Variants in ADAM12 observed in about 807,000 individuals in gnomAD.
ADAM12 encodes disintegrin and metalloproteinase domain-containing protein 12.
Under a neutral mutation model 106.4 loss-of-function variants are expected in ADAM12, and 70 were observed. The observed-to-expected ratio is 0.66, with a 90% CI of 0.54 to 0.80. The LOEUF is 0.80. ADAM12 is among the 30% of genes least tolerant of loss of function. The pLI, the probability that ADAM12 is intolerant of heterozygous loss-of-function variation, is 0.00. For missense variants in ADAM12, 1,010 were observed against 1,171.9 expected, an observed-to-expected ratio of 0.86 and a Z score of 2.02; for synonymous variants, 420 against 433.5, an observed-to-expected ratio of 0.97 and a Z score of 0.39.
intron 4 of ADAM12, among the ~76,000 whole-genome samples, chr10:126,137,614 T>C (rs1478566194): frequency 6.6e-6 from 1 of 152,228 alleles, no homozygotes; most frequent in East Asian, 1.9e-4. Context: ...CGTTCTGTTA[T>C]TTTATAGAAA....
At chr10:126,348,215 C>A (rs1200124326) in intron 1 of ADAM12, among the ~76,000 whole-genome samples, 2 of 152,188 alleles carry the variant, frequency 1.3e-5, no homozygotes, top group Non-Finnish European at 2.9e-5. Flanking sequence ...TTAAGTTAGA[C>A]TGCATCCTGC....
intron 3 of ADAM12, among the ~76,000 whole-genome samples, chr10:126,257,177 T>A (rs1958909287): frequency 6.6e-6 from 1 of 152,128 alleles, no homozygotes; most frequent in Non-Finnish European, 1.5e-5. Flanking sequence ...TAACCCTACA[T>A]GTGCTCTGCA....
intron 3 of ADAM12, among the ~76,000 whole-genome samples, chr10:126,162,432 C>T (rs11244855): frequency 0.17 from 26,084 of 152,036 alleles, 2,666 homozygotes; most frequent in Non-Finnish European, 0.24. Flanking sequence ...GTGGTCAGGG[C>T]GCAGGGCCTG....
rs1554978247 is a variant in ADAM12, at chr10:126,158,541, G to GGAGGATGCACAGAGCATGGAGA, written c.261-3237_261-3236insTCTCCATGCTCTGTGCATCCTC. Among the ~76,000 whole-genome samples, 99 of 90,204 alleles carry GGAGGATGCACAGAGCATGGAGA rather than the reference G, an allele frequency of 1.1e-3. 10 individuals are homozygous for GGAGGATGCACAGAGCATGGAGA. Among genetic ancestry groups the GGAGGATGCACAGAGCATGGAGA allele is most frequent in the African/African-American group, 4.3e-3 (98 of 23,036 alleles). 59.2% of individuals were successfully genotyped at this position (90,204 alleles called of 152,430 possible). A position where few individuals can be genotyped will look rare whatever the true frequency, so the allele number is the denominator to read the frequency against. ...CACGGGGAGGATGCACAGAGCACGG[G>GGAGGATGCACAGAGCATGGAGA]GAGGATGCACAGAGCATGGGGCAGG... is the stretch of plus-strand genomic sequence containing the variant. On this transcript the variant is annotated intron_variant, in intron 3 of 22. Transcript: ENST00000448723.
intron 3 of ADAM12, among the ~76,000 whole-genome samples, chr10:126,190,814 G>A (rs906057638): frequency 3.9e-5 from 6 of 152,026 alleles, no homozygotes; most frequent in Admixed American, 1.3e-4. Flanking sequence ...CCCACACAGG[G>A]CAGAGGCAGG....
In ADAM12 at chr10:126,247,154, C is replaced by G. The variant is rs1958646323; in HGVS notation, c.260+31761G>C. The stretch of plus-strand genomic sequence containing the variant: ...TCTGAGAGTGGTTTCTAAGAAAATC[C>G]TTTCCATGTCAACCTTAGTGTATCT... On this transcript the variant is annotated intron_variant, in intron 3 of 22. Transcript: ENST00000448723. Among the ~76,000 whole-genome samples, 5 of 152,080 alleles carry G rather than the reference C, an allele frequency of 3.3e-5. No individual in the cohort carries two copies. In the South Asian group the frequency reaches 1.0e-3, roughly 31 times the overall value.
In ADAM12 at chr10:126,049,758, A is replaced by G. The variant is rs1954427597; in HGVS notation, c.1610-89T>C. Reference sequence around the variant, plus strand: ...AGGCCTCTCAAATGGTTACGGGGAGACGTGCTCAAAGCAATCACACCCAGT... The same window carrying G: ...AGGCCTCTCAAATGGTTACGGGGAGGCGTGCTCAAAGCAATCACACCCAGT... On this transcript the variant is annotated intron_variant, in intron 14 of 22. Coordinates refer to ENST00000448723, the MANE Select transcript of ADAM12 (RefSeq NM_001288973.2). This position sits in a 1 kb window ranked among gnomAD's most constrained non-coding sequence, Gnocchi z 4.4. The G allele has an allele frequency of 1.7e-6, 2 of 1,174,952 alleles. No individual in the cohort carries two copies. The highest frequency in any genetic ancestry group is 2.4e-6 in the Non-Finnish European group (2 of 823,440). The allele number at this position is 1,174,952 out of a possible 1,614,324, so 72.8% of individuals were successfully genotyped here.
chr10:126,119,182 AG>A (rs1956041445), intron 5 of ADAM12, among the ~76,000 whole-genome samples: 1 of 152,188 alleles, frequency 6.6e-6, no homozygotes. Flanking sequence ...TCTGGAATCA[AG>A]AACACTACAG....
chr10:126,140,711 AT>A (rs977463188), intron 4 of ADAM12, among the ~76,000 whole-genome samples: 2 of 152,238 alleles, frequency 1.3e-5, no homozygotes, highest in African/African-American at 2.4e-5. Context: ...GTGAAATTTA[AT>A]TTTTTTCAAT....
intron 8 of ADAM12, among the ~76,000 whole-genome samples, chr10:126,105,744 T>A (rs1004365611): frequency 1.3e-5 from 2 of 152,240 alleles, no homozygotes; most frequent in African/African-American, 4.8e-5. Flanking sequence ...CCGTGCTATC[T>A]TTGATGTCTC....
intron 3 of ADAM12, among the ~76,000 whole-genome samples, chr10:126,160,165 C>CA (rs1332863648): frequency 1.3e-5 from 2 of 152,128 alleles, no homozygotes; most frequent in African/African-American, 4.8e-5. Flanking sequence ...GGAAAGCCAG[C>CA]AAAAATTCAT....
rs532010778 is a variant in ADAM12 at position 126,055,908 on chromosome 10, A to G, written c.1610-6239T>C. Among the ~76,000 whole-genome samples the G allele has an allele frequency of 2.6e-5, 4 of 152,322 alleles. No homozygotes were observed. The South Asian group carries it at 8.3e-4, about 32-fold the overall frequency. Reference sequence around the variant, plus strand: ...AGCATGCTTAGTGAGATTTCCCTTTAAAACTGGGACAATGGAGGCAGGCAG... The same window carrying G: ...AGCATGCTTAGTGAGATTTCCCTTTGAAACTGGGACAATGGAGGCAGGCAG... On this transcript the variant is annotated intron_variant, in intron 14 of 22. Coordinates refer to ENST00000448723, the MANE Select transcript of ADAM12 (RefSeq NM_001288973.2).
At chr10:126,061,619 T>C (rs923659833) in intron 14 of ADAM12, among the ~76,000 whole-genome samples, 1 of 152,112 alleles carries the variant, frequency 6.6e-6, no homozygotes, top group African/African-American at 2.4e-5. Flanking sequence ...GGAGAGTCAG[T>C]GTCAGAGAAA....
chr10:126,323,898 A>G (rs1446038726), intron 2 of ADAM12, among the ~76,000 whole-genome samples: 1 of 152,242 alleles, frequency 6.6e-6, no homozygotes, highest in Non-Finnish European at 1.5e-5. Flanking sequence ...TGGGTTGAGC[A>G]TAGTCGAGTT....
intron 6 of ADAM12, among the ~76,000 whole-genome samples, chr10:126,113,400 C>T (rs1053288910): frequency 1.1e-4 from 16 of 151,746 alleles, no homozygotes; most frequent in Non-Finnish European, 1.9e-4. Flanking sequence ...TGGCTTACGC[C>T]TGTAATCCCA....
intron 3 of ADAM12, among the ~76,000 whole-genome samples, chr10:126,189,552 T>C (rs1470765245): frequency 6.6e-6 from 1 of 152,188 alleles, no homozygotes; most frequent in African/African-American, 2.4e-5. Context: ...GCTGACTACG[T>C]GCCAGGCATG....
rs375232487 is a variant in ADAM12, at chr10:126,046,189, T to C, written c.1918-57A>G. ...TAGTATTTCTCCAACCCCTCCAGCA[T>C]GCATACATACCTGTATTCAAACAAA... On this transcript the variant is annotated intron_variant, in intron 16 of 22. Transcript: ENST00000448723. 120 of 1,482,816 alleles carry C rather than the reference T, an allele frequency of 8.1e-5. 1 individual carries two copies. The African/African-American group carries it at 1.4e-3, about 18-fold the overall frequency. The allele number at this position is 1,482,816 out of a possible 1,614,324, so 91.9% of individuals were successfully genotyped here.
intron 4 of ADAM12, among the ~76,000 whole-genome samples, chr10:126,148,108 A>T (rs972446557): frequency 6.6e-6 from 1 of 151,436 alleles, no homozygotes; most frequent in South Asian, 2.1e-4. Context: ...TAAAGCCACA[A>T]ATATTTCATC....
intron 3 of ADAM12, among the ~76,000 whole-genome samples, chr10:126,211,734 G>A (rs755451563): frequency 5.3e-5 from 8 of 152,122 alleles, no homozygotes; most frequent in East Asian, 1.9e-4. Context: ...TGCTGAATCC[G>A]CAAATAGTCA....
Sources: gnomAD v4.1 joint callset for allele counts (sites outside exome capture counted in the v4.1 genomes callset) on GRCh38, gnomAD v4.1.1 for gene constraint, Gnocchi (gnomAD v3.1) non-coding constraint, MANE v1.5 for transcripts, NCBI Gene and HGNC (gene_info 2026-07-23, HGNC 2026-07-21) for gene names.